Variants in PAICS observed in about 807,000 individuals in gnomAD.
The protein encoded by PAICS is phosphoribosylaminoimidazole carboxylase and phosphoribosylaminoimidazolesuccinocarboxamide synthase.
Under a neutral mutation model 53.7 loss-of-function variants are expected in PAICS, and 33 were observed. The ratio of observed to expected loss-of-function variants is 0.61; its 90% CI spans 0.47 to 0.82. The LOEUF (loss-of-function observed/expected upper bound fraction) is 0.82, where lower values mean the gene tolerates loss of function less well. Ranked by LOEUF, PAICS falls within the 40% of genes least tolerant of loss-of-function variation. The pLI, the probability that PAICS is intolerant of heterozygous loss-of-function variation, is 0.00. For missense variants in PAICS, 394 were observed against 494.1 expected (o/e 0.80, Z 1.92); for synonymous variants, 141 against 167.2 (o/e 0.84, Z 1.21).
At chr4:56,422,731 T>C in the PAICS span, 2 of 152,268 alleles carry the variant, frequency 1.3e-5, no homozygotes, top group South Asian at 4.1e-4. Flanking sequence ...GACGCTACCA[T>C]ACCTAAGAAA....
chr4:56,434,786 G>A (rs1717805818), upstream of PAICS, among the ~76,000 whole-genome samples: 1 of 152,182 alleles, frequency 6.6e-6, no homozygotes, highest in Non-Finnish European at 1.5e-5. Context: ...ACATCAACTA[G>A]TCATCTTTCC....
intron 7 of PAICS, among the ~76,000 whole-genome samples, chr4:56,453,351 T>G (rs1352082398): frequency 6.6e-6 from 1 of 152,124 alleles, no homozygotes; most frequent in African/African-American, 2.4e-5. Context: ...GCTATCCCCT[T>G]TATAATGTAG....
In PAICS at chr4:56,446,722, G is replaced by GT. The variant is rs769265062; in HGVS notation, c.243dup (p.Gly82TrpfsTer11). Reference sequence around the variant, plus strand: ...ATTAAAACTGCCTTCACCAGAAAATGTGGGGAGACAGCTTTCATTGCACCG... The same window carrying GT: ...ATTAAAACTGCCTTCACCAGAAAATGTTGGGGAGACAGCTTTCATTGCACCG... On this transcript the variant is annotated frameshift_variant, in exon 3 of 9. Coordinates refer to ENST00000512576, the MANE Select transcript of PAICS (RefSeq NM_001079524.2). LOFTEE classifies it high-confidence loss of function. 20 of 1,602,248 alleles carry GT rather than the reference G, an allele frequency of 1.2e-5. No individual in the cohort carries two copies. The highest frequency in any genetic ancestry group is 1.5e-5 in the Non-Finnish European group (18 of 1,173,446).
In PAICS at chr4:56,460,331, T is replaced by C. The variant is rs535563210; in HGVS notation, c.*793T>C. On this transcript the variant is annotated 3_prime_UTR_variant, in exon 9 of 9. Transcript: ENST00000512576. Reference sequence around the variant, plus strand: ...GCAAGTCAGAAGCTTGATTTCATCATTGATGTTTTTCTCACGTTTCACATC... The same window carrying C: ...GCAAGTCAGAAGCTTGATTTCATCACTGATGTTTTTCTCACGTTTCACATC... 3.9e-5 allele frequency: 6 copies of C among 152,342 alleles called. No homozygotes were observed. The highest frequency in any genetic ancestry group is 3.9e-4 in the East Asian group (2 of 5,174). The allele number at this position is 152,342 out of a possible 1,614,324, so 9.4% of individuals were successfully genotyped here.
At chr4:56,430,551 C>A in the PAICS span, among the ~76,000 whole-genome samples, 1 of 152,200 alleles carries the variant, frequency 6.6e-6, no homozygotes, top group Non-Finnish European at 1.5e-5. Flanking sequence ...TCAACAAATA[C>A]ATTTTGAATA....
chr4:56,457,670 T>G lies in PAICS; in HGVS notation c.1112-1702T>G, dbSNP rs998471487. 5.3e-5 allele frequency among the ~76,000 whole-genome samples: 8 copies of G among 150,734 alleles called. No individual in the cohort carries two copies. In the East Asian group the frequency reaches 1.4e-3, roughly 26 times the overall value. Reference sequence around the variant, plus strand: ...TTTCAGTTTAGAATTAAGTTTTTTTTTTTTTTTTTTTTTAAATGGAGTTTC... The same window carrying G: ...TTTCAGTTTAGAATTAAGTTTTTTTGTTTTTTTTTTTTTAAATGGAGTTTC... On this transcript the variant is annotated intron_variant, in intron 8 of 8. Transcript: ENST00000512576.
At chr4:56,413,243 G>A in the PAICS span, among the ~76,000 whole-genome samples, 1 of 152,114 alleles carries the variant, frequency 6.6e-6, no homozygotes, top group South Asian at 2.1e-4. Context: ...CACAACCTCT[G>A]CTTCCCAGGT....
At chr4:56,435,315 A>G (rs1046405755), upstream of PAICS, 3 of 1,610,496 alleles carry the variant, frequency 1.9e-6, no homozygotes, top group African/African-American at 1.3e-5. Context: ...AGAGATGGAG[A>G]CGCACGCCCC....
intron 8 of PAICS, among the ~76,000 whole-genome samples, chr4:56,456,747 TGGTTTTTGTTTTCTG>T (rs1415371999): frequency 6.6e-6 from 1 of 151,754 alleles, no homozygotes; most frequent in Non-Finnish European, 1.5e-5. Flanking sequence ...ATATTTCTTT[TGGTTTTTGTTTTCTG>T]GGTTTTTGTT....
the PAICS span, among the ~76,000 whole-genome samples, chr4:56,419,444 G>C: frequency 6.6e-6 from 1 of 152,168 alleles, no homozygotes; most frequent in Non-Finnish European, 1.5e-5. Context: ...ATAATGGACA[G>C]ATTTAGGTTC....
At chr4:56,432,219 A>G (rs2110070148), upstream of PAICS, among the ~76,000 whole-genome samples, 1 of 152,304 alleles carries the variant, frequency 6.6e-6, no homozygotes, top group East Asian at 1.9e-4. Flanking sequence ...CTCACCTTCT[A>G]GATTCCATCT....
chr4:56,453,558 C>A, intron 7 of PAICS, 45 bp from the exon 8 acceptor site: 4 of 1,185,574 alleles, frequency 3.4e-6, no homozygotes, highest in Non-Finnish European at 4.6e-6. Context: ...GTCTTTAAAT[C>A]TGTTTTGAAT....
rs1191712267 is a variant in PAICS, at chr4:56,446,860, AGTT to A, written c.384_386del (p.Leu128del). 1 of 1,603,058 alleles carries A rather than the reference AGTT, an allele frequency of 6.2e-7. No homozygotes were observed. The highest frequency in any genetic ancestry group is 1.7e-5 in the Admixed American group (1 of 58,650). ...TATAAGTTTTACCCACCTAAAGTGG[AGTT>A]GTTTTTCAAGGTAATTATCTTATGC... On this transcript the variant is annotated inframe_deletion, in exon 3 of 9. Transcript: ENST00000512576.
the PAICS span, chr4:56,410,921 AAAAAAAAG>A: frequency 3.3e-6 from 3 of 916,438 alleles, no homozygotes; most frequent in Non-Finnish European, 3.9e-6. Flanking sequence ...AAAAAAAAAA[AAAAAAAAG>A]AAAAGTACTC....
At chr4:56,434,406 T>C (rs1717783596), upstream of PAICS, among the ~76,000 whole-genome samples, 3 of 152,254 alleles carry the variant, frequency 2.0e-5, no homozygotes, top group African/African-American at 7.2e-5. Flanking sequence ...TATTGCCTTA[T>C]GGAAACTGTA....
At chr4:56,429,355 AG>A in the PAICS span, among the ~76,000 whole-genome samples, 1 of 152,224 alleles carries the variant, frequency 6.6e-6, no homozygotes, top group Non-Finnish European at 1.5e-5. Flanking sequence ...AGATGTAAAA[AG>A]AAAAAAATCC....
the PAICS span, chr4:56,428,917 C>G: frequency 2.5e-6 from 2 of 814,950 alleles, no homozygotes; most frequent in Non-Finnish European, 3.0e-6. Context: ...CATAATGATT[C>G]TTTTCCTGTG....
In PAICS at chr4:56,460,016, A is replaced by G. The variant is rs1162889194; in HGVS notation, c.*478A>G. On this transcript the variant is annotated 3_prime_UTR_variant, in exon 9 of 9. Coordinates refer to ENST00000512576, the MANE Select transcript of PAICS (RefSeq NM_001079524.2). ...GCAGTTCTCCCACCTCAGCCTCTCGACTAACAGGGACTATAATCTTGCAGC... is the reference window on the plus strand; with the variant it reads ...GCAGTTCTCCCACCTCAGCCTCTCGGCTAACAGGGACTATAATCTTGCAGC... 5 of 153,712 alleles carry G rather than the reference A, an allele frequency of 3.3e-5. No homozygotes were observed. The highest frequency in any genetic ancestry group is 3.2e-4 in the Admixed American group (5 of 15,396). 9.5% of individuals were successfully genotyped at this position (153,712 alleles called of 1,614,324 possible). A position where few individuals can be genotyped will look rare whatever the true frequency, so the allele number is the denominator to read the frequency against.
chr4:56,442,468 G>A (rs1718390114), intron 2 of PAICS, among the ~76,000 whole-genome samples: 1 of 152,172 alleles, frequency 6.6e-6, no homozygotes, highest in South Asian at 2.1e-4. Context: ...TGTGTGGTGG[G>A]TATTTGAAGC....
Sources: gnomAD v4.1 joint callset for allele counts (sites outside exome capture counted in the v4.1 genomes callset) on GRCh38, gnomAD v4.1.1 for gene constraint, MANE v1.5 for transcripts, NCBI Gene and HGNC (gene_info 2026-07-23, HGNC 2026-07-21) for gene names.